The following SMARCAD1 variants were observed in gnomAD, a reference collection of about 807,000 sequenced individuals.
SMARCAD1 encodes SNF2 related chromatin remodeling ATPase with DExD box 1.
Under a neutral mutation model 127.1 loss-of-function variants are expected in SMARCAD1, and 25 were observed. That is an observed-to-expected ratio of 0.20 (90% CI 0.14 to 0.27). SMARCAD1 has a LOEUF of 0.27. Ranked by LOEUF, SMARCAD1 falls within the 10% of genes least tolerant of loss-of-function variation. The pLI is 1.00. For missense variants in SMARCAD1, 807 were observed against 1,206.0 expected, an observed-to-expected ratio of 0.67 and a Z score of 4.90; for synonymous variants, 400 against 396.9, an observed-to-expected ratio of 1.01 and a Z score of -0.09.
At chr4:94,284,460 A>G (rs186206909) in intron 22 of SMARCAD1, among the ~76,000 whole-genome samples, 24 of 150,842 alleles carry the variant, frequency 1.6e-4, no homozygotes, top group African/African-American at 5.6e-4. Context: ...GTGCAGTGGC[A>G]CCATCTCTGC....
intron 9 of SMARCAD1, among the ~76,000 whole-genome samples, chr4:94,255,535 CAT>C (rs1044973452): frequency 4.2e-4 from 64 of 151,752 alleles, no homozygotes; most frequent in African/African-American, 1.5e-3. Context: ...AGGTAGTAGA[CAT>C]ATAAATGTAA....
rs188056202 is a variant in SMARCAD1, at chr4:94,223,605, G to A, written c.191-2514G>A. ...TTTTTGGAGACAGAGTTAAGCTTTT[G>A]TTGCCCAGGCTGGAGTGCAGTGGCA... On this transcript the variant is annotated intron_variant, in intron 2 of 23. Transcript: ENST00000354268. Among the ~76,000 whole-genome samples, 572 of 149,284 alleles carry A rather than the reference G, an allele frequency of 3.8e-3. 2 individuals carry two copies. The highest frequency in any genetic ancestry group is 0.013 in the African/African-American group (538 of 40,456).
chr4:94,260,386 C>G (rs1482922470), intron 9 of SMARCAD1, among the ~76,000 whole-genome samples: 1 of 152,100 alleles, frequency 6.6e-6, no homozygotes, highest in African/African-American at 2.4e-5. Flanking sequence ...CTCTGTCACT[C>G]AGGCTGGAGT....
At chr4:94,248,314 T>TGCG (rs1748768319) in intron 6 of SMARCAD1, among the ~76,000 whole-genome samples, 1 of 152,350 alleles carries the variant, frequency 6.6e-6, no homozygotes, top group East Asian at 1.9e-4. Context: ...TTTACCACAA[T>TGCG]TTGTCCATGA....
chr4:94,223,870 C>T (rs943062588), intron 2 of SMARCAD1, among the ~76,000 whole-genome samples: 15 of 151,828 alleles, frequency 9.9e-5, no homozygotes, highest in African/African-American at 1.9e-4. Context: ...TGTGAGCCAC[C>T]GCACCTGGCC....
chr4:94,262,913 A>AAAG (rs61464369), intron 9 of SMARCAD1, among the ~76,000 whole-genome samples: 63,770 of 120,588 alleles, frequency 0.53, 14,852 homozygotes, highest in East Asian at 0.7. Flanking sequence ...AAAAAGAAAG[A>AAAG]AAAGAAATGG....
chr4:94,246,930 A>G (rs143424650), intron 6 of SMARCAD1, among the ~76,000 whole-genome samples: 10 of 152,360 alleles, frequency 6.6e-5, no homozygotes, highest in Middle Eastern at 3.4e-3. Context: ...CTGCATAGCC[A>G]TATTGATTTG....
chr4:94,221,586 G>A (rs191968839), intron 2 of SMARCAD1, among the ~76,000 whole-genome samples: 56 of 152,322 alleles, frequency 3.7e-4, no homozygotes, highest in African/African-American at 1.1e-3. Flanking sequence ...ACAGATATGA[G>A]AATCCAGCCA....
chr4:94,266,167 G>A (rs1751706668), intron 10 of SMARCAD1, among the ~76,000 whole-genome samples: 1 of 152,070 alleles, frequency 6.6e-6, no homozygotes, highest in African/African-American at 2.4e-5. Flanking sequence ...TCCTAAAAGT[G>A]TAGTTGGAGC....
At chr4:94,215,500 A>T (rs1476538324) in intron 2 of SMARCAD1, among the ~76,000 whole-genome samples, 4 of 151,952 alleles carry the variant, frequency 2.6e-5, no homozygotes, top group Admixed American at 1.3e-4. Flanking sequence ...GTGCACCTGT[A>T]GTCCTAGCCA....
chr4:94,253,140 T>G (rs1579212108), intron 9 of SMARCAD1, 133 bp downstream of exon 9: 2 of 1,542,344 alleles, frequency 1.3e-6, no homozygotes, highest in East Asian at 4.5e-5. Flanking sequence ...CAAACATTAC[T>G]TTCATTGTAA....
At chr4:94,236,839 C>A in intron 4 of SMARCAD1, 113 bp from the exon 5 acceptor site, 1 of 842,212 alleles carries the variant, frequency 1.2e-6, no homozygotes, top group Non-Finnish European at 2.0e-6. Context: ...AACTATGACA[C>A]ACATACTTTC....
chr4:94,273,520 GAAT>G (rs754285618), intron 11 of SMARCAD1, 94 bp from the exon 12 acceptor site: 106 of 890,066 alleles, frequency 1.2e-4, no homozygotes, highest in Non-Finnish European at 1.7e-4. Context: ...AATCAAAAGT[GAAT>G]ACAGCACAGA....
Position 94,252,647 on chromosome 4 carries a change from A to C in SMARCAD1, c.921A>C (p.Pro307=). The change falls in exon 9 of 24, where the codon CCA becomes CCC. Residue 307 remains proline (P), a synonymous_variant. Transcript: ENST00000354268. The stretch of plus-strand genomic sequence containing the variant: ...AATATGTATCACAAAGTGAGGTTCC[A>C]AATGGAAAAGAAGTTTCTTCAAGAA... ...DMQYVSQSEV[P]NGKEVSSRSQ... The C allele has an allele frequency of 1.3e-6, 2 of 1,573,906 alleles. No homozygotes were observed. The highest frequency in any genetic ancestry group is 1.7e-6 in the Non-Finnish European group (2 of 1,163,998).
intron 4 of SMARCAD1, among the ~76,000 whole-genome samples, chr4:94,235,885 CATA>C (rs1204954648): frequency 1.3e-5 from 2 of 151,954 alleles, no homozygotes; most frequent in Non-Finnish European, 2.9e-5. Context: ...GATTGATATG[CATA>C]ATTTCCCTGA....
At chr4:94,280,504 T>A in intron 19 of SMARCAD1, 88 bp from the exon 20 acceptor site, 1 of 1,118,492 alleles carries the variant, frequency 8.9e-7, no homozygotes, top group Non-Finnish European at 1.3e-6. Flanking sequence ...AGATATTTTA[T>A]CAGGTATAAA....
chr4:94,250,771 A>G lies in SMARCAD1; in HGVS notation c.827A>G (p.Lys276Arg), dbSNP rs1378755495. The G allele has an allele frequency of 1.0e-5, 16 of 1,606,728 alleles. No individual in the cohort carries two copies. Among genetic ancestry groups the G allele is most frequent in the African/African-American group, 1.3e-5 (1 of 74,668 alleles). The change falls in exon 8 of 24, where the codon AAG becomes AGG. Residue 276 changes from lysine (K) to arginine (R), a missense_variant. Physicochemically the swap from Lys to Arg is conservative, Grantham distance 26. Transcript: ENST00000354268. ...TTCTAGGAACTTAGAGAAGTACTCA[A>G]GGAACATGAATGGATGTACACAGAA... ...FDKQELREVL[K>R]EHEWMYTEAL...
At chr4:94,236,846 T>C in intron 4 of SMARCAD1, 106 bp from the exon 5 acceptor site, 1 of 898,988 alleles carries the variant, frequency 1.1e-6, no homozygotes, top group Non-Finnish European at 1.8e-6. Flanking sequence ...ACACACATAC[T>C]TTCCTGTCAT....
intron 3 of SMARCAD1, among the ~76,000 whole-genome samples, chr4:94,229,204 C>G (rs1046704010): frequency 6.6e-6 from 1 of 152,062 alleles, no homozygotes; most frequent in Non-Finnish European, 1.5e-5. Context: ...TAGTCCTATT[C>G]GCTAGCCAGC....
Sources: allele counts gnomAD v4.1 joint callset (sites outside exome capture counted in the v4.1 genomes callset), GRCh38; gene constraint gnomAD v4.1.1; transcripts MANE v1.5; gene names NCBI Gene and HGNC (gene_info 2026-07-23, HGNC 2026-07-21).